LMO7: variants seen among roughly 807,000 people sequenced by gnomAD.
LMO7 encodes the protein LIM domain only protein 7.
LMO7 carries 120 observed loss-of-function variants against 206.5 expected under a neutral mutation model. The observed-to-expected ratio is 0.58, with a 90% CI of 0.50 to 0.68. The LOEUF is 0.68. Among genes scored for constraint, LMO7 ranks in the 30% least tolerant of loss-of-function variants. The pLI is 0.00. For synonymous variants in LMO7, 706 were observed against 681.5 expected (o/e 1.04, Z -0.56); for missense variants, 1,959 against 1,957.9 (o/e 1.00, Z -0.01).
At chr13:75,688,044 T>G (rs779881079) in intron 1 of LMO7, among the ~76,000 whole-genome samples, 3 of 152,202 alleles carry the variant, frequency 2.0e-5, no homozygotes, top group Non-Finnish European at 4.4e-5. Context: ...TTCTCTTGCC[T>G]GCCGCCACGT....
At chr13:75,763,144 G>A (rs1387487859) in intron 4 of LMO7, among the ~76,000 whole-genome samples, 1 of 152,144 alleles carries the variant, frequency 6.6e-6, no homozygotes, top group African/African-American at 2.4e-5. Flanking sequence ...ACTGGGGGCA[G>A]TTTTGCCAAC....
At chr13:75,753,244 C>G (rs755875521) in intron 3 of LMO7, among the ~76,000 whole-genome samples, 19 of 152,076 alleles carry the variant, frequency 1.2e-4, no homozygotes, top group Non-Finnish European at 2.5e-4. Flanking sequence ...TTATTCATAT[C>G]CTTGGCCCAC....
At chr13:75,709,616 A>T (rs2042925961) in intron 1 of LMO7, among the ~76,000 whole-genome samples, 1 of 152,064 alleles carries the variant, frequency 6.6e-6, no homozygotes, top group Admixed American at 6.6e-5. Flanking sequence ...GTGTCTGTTC[A>T]TATCCTTTGC....
chr13:75,822,725 T>C (rs534199924), intron 14 of LMO7, among the ~76,000 whole-genome samples: 1 of 146,114 alleles, frequency 6.8e-6, no homozygotes, highest in East Asian at 2.0e-4. Context: ...CCTCATACAT[T>C]ACTTCGGCAG....
chr13:75,720,678 A>G (rs1412670816), intron 2 of LMO7, among the ~76,000 whole-genome samples: 1 of 152,228 alleles, frequency 6.6e-6, no homozygotes, highest in Non-Finnish European at 1.5e-5. Context: ...GGATGCTTCA[A>G]GCACAACAGT....
intron 6 of LMO7, among the ~76,000 whole-genome samples, chr13:75,800,163 G>C (rs548701561): frequency 6.6e-6 from 1 of 152,198 alleles, no homozygotes; most frequent in African/African-American, 2.4e-5. Flanking sequence ...TTATTTTTCT[G>C]GGGGGAGAGT....
chr13:75,648,565 G>A lies in LMO7; in HGVS notation c.69+11839G>A, dbSNP rs536220581. Among the ~76,000 whole-genome samples, 12 of 152,228 alleles carry A rather than the reference G, an allele frequency of 7.9e-5. No homozygotes were observed. The South Asian group carries it at 2.1e-3, about 26-fold the overall frequency. On this transcript the variant is annotated intron_variant, in intron 1 of 30. Transcript: ENST00000377534. Reference sequence around the variant, plus strand: ...TTGGCTGTTCCATATATCTGCCTCCGTCTTACTCATTTTCTTGTTTCACAA... The same window carrying A: ...TTGGCTGTTCCATATATCTGCCTCCATCTTACTCATTTTCTTGTTTCACAA...
At chr13:75,623,656 C>A (rs948335863) in intron 2 of LMO7, among the ~76,000 whole-genome samples, 9 of 151,394 alleles carry the variant, frequency 5.9e-5, no homozygotes, top group African/African-American at 2.2e-4. Context: ...AGCCACTGTG[C>A]CTGACCAAGC....
chr13:75,733,618 C>T (rs147158526), intron 3 of LMO7, among the ~76,000 whole-genome samples: 55 of 152,148 alleles, frequency 3.6e-4, no homozygotes, highest in African/African-American at 5.8e-4. Context: ...GCTCATGCAT[C>T]GTGCACTGCA....
intron 4 of LMO7, among the ~76,000 whole-genome samples, chr13:75,794,284 T>C (rs2053678594): frequency 6.6e-6 from 1 of 152,194 alleles, no homozygotes; most frequent in Non-Finnish European, 1.5e-5. Flanking sequence ...ATCAGTAGTG[T>C]GAGAGTTCAT....
At chr13:75,777,537 T>G (rs1031709494) in intron 4 of LMO7, among the ~76,000 whole-genome samples, 4 of 152,226 alleles carry the variant, frequency 2.6e-5, no homozygotes, top group Admixed American at 6.5e-5. Context: ...ACTTTGGTAT[T>G]ATAATTCTCT....
intron 4 of LMO7, among the ~76,000 whole-genome samples, chr13:75,770,045 A>G (rs1302586796): frequency 1.3e-5 from 2 of 152,074 alleles, no homozygotes; most frequent in Non-Finnish European, 2.9e-5. Flanking sequence ...TAATAGGGGT[A>G]TATTCACTTA....
chr13:75,681,718 G>GTATGTGTATATATATA (rs1555293391), intron 1 of LMO7, among the ~76,000 whole-genome samples: 3 of 104,580 alleles, frequency 2.9e-5, no homozygotes, highest in African/African-American at 6.7e-5. Context: ...ATATATATAT[G>GTATGTGTATATATATA]TATATATATA....
intron 3 of LMO7, among the ~76,000 whole-genome samples, chr13:75,734,126 C>A (rs1020183918): frequency 1.3e-5 from 2 of 152,154 alleles, no homozygotes; most frequent in African/African-American, 2.4e-5. Context: ...TTTCTCTTTG[C>A]CACAATAATA....
intron 1 of LMO7, among the ~76,000 whole-genome samples, chr13:75,697,315 AAG>A (rs1347808120): frequency 1.3e-5 from 2 of 152,192 alleles, no homozygotes; most frequent in African/African-American, 4.8e-5. Context: ...TTATAAAGGA[AAG>A]AGGTTTAATG....
chr13:75,825,004 G>A (rs1272216091), intron 15 of LMO7, among the ~76,000 whole-genome samples: 1 of 151,960 alleles, frequency 6.6e-6, no homozygotes, highest in Non-Finnish European at 1.5e-5. Context: ...TGGAAATGCA[G>A]GAAAGTATAA....
chr13:75,654,847 A>G (rs959029799), intron 1 of LMO7, among the ~76,000 whole-genome samples: 1 of 149,976 alleles, frequency 6.7e-6, no homozygotes, highest in African/African-American at 2.4e-5. Context: ...TTTTTACACA[A>G]TACAACTACT....
At chr13:75,828,717 G>A (rs923811614) in intron 15 of LMO7, among the ~76,000 whole-genome samples, 2 of 152,180 alleles carry the variant, frequency 1.3e-5, no homozygotes, top group African/African-American at 4.8e-5. Context: ...CAAAATAAGG[G>A]CTGGAGGCAA....
chr13:75,797,249 A>T (rs1261951835), intron 6 of LMO7, among the ~76,000 whole-genome samples: 1 of 152,194 alleles, frequency 6.6e-6, no homozygotes, highest in Non-Finnish European at 1.5e-5. Flanking sequence ...AGAGTAGGAC[A>T]TGGTGTTAAC....
Sources: gnomAD v4.1 joint callset for allele counts (sites outside exome capture counted in the v4.1 genomes callset) on GRCh38, gnomAD v4.1.1 for gene constraint, MANE v1.5 for transcripts, NCBI Gene and HGNC (gene_info 2026-07-23, HGNC 2026-07-21) for gene names.